The following GSG1L variants were observed in gnomAD, a reference collection of about 807,000 sequenced individuals.
GSG1L encodes germ cell-specific gene 1-like protein.
A neutral mutation model predicts 42.1 loss-of-function variants in GSG1L; 24 were observed. The observed-to-expected ratio is 0.57, with a 90% CI of 0.41 to 0.80. The LOEUF is 0.80. GSG1L is among the 30% of genes least tolerant of loss of function. The pLI is 0.00. For synonymous variants in GSG1L, 215 were observed against 203.5 expected (o/e 1.06, Z -0.48); for missense variants, 445 against 472.2 (o/e 0.94, Z 0.53).
At chr16:28,044,835 G>A (rs1257790869) in intron 1 of GSG1L, among the ~76,000 whole-genome samples, 3 of 151,944 alleles carry the variant, frequency 2.0e-5, no homozygotes, top group African/African-American at 7.3e-5. Flanking sequence ...ATGTTGGCCA[G>A]GCTGGTCTTG....
At chr16:27,963,283 C>T in intron 1 of GSG1L, 80 bp from the exon 2 acceptor site, 1 of 1,231,644 alleles carries the variant, frequency 8.1e-7, no homozygotes, top group South Asian at 1.2e-5. Flanking sequence ...ATCCCATGAG[C>T]CCTGGAGCAA....
chr16:28,043,699 G>A (rs1032320752), intron 1 of GSG1L, among the ~76,000 whole-genome samples: 1 of 152,226 alleles, frequency 6.6e-6, no homozygotes, highest in East Asian at 1.9e-4. Flanking sequence ...CTCAGTGCCG[G>A]AGGAATGAAA....
rs1465764367 is a variant in GSG1L, at chr16:27,900,213, A to AC, written c.398-15576dup. ...ATTGAACCTGCGGGGTGAGACACAC[A>AC]CCCAGTGACAACCACGCTCTACAGC... On this transcript the variant is annotated intron_variant, in intron 2 of 6. Transcript: ENST00000447459. Among the ~76,000 whole-genome samples, 3 of 152,240 alleles carry AC rather than the reference A, an allele frequency of 2.0e-5. No homozygotes were observed. The East Asian group carries it at 5.8e-4, about 29-fold the overall frequency.
chr16:27,947,384 AAAAGAAAG>A (rs199991139), intron 2 of GSG1L, among the ~76,000 whole-genome samples: 24,630 of 130,592 alleles, frequency 0.19, 2,307 homozygotes, highest in East Asian at 0.27. Flanking sequence ...GAAAGAAAGA[AAAAGAAAG>A]AAAGAAAGAA....
chr16:27,807,583 T>C lies in GSG1L; in HGVS notation c.831-29A>G. The C allele has an allele frequency of 2.5e-6, 4 of 1,590,780 alleles. No individual in the cohort carries two copies. The South Asian group carries it at 3.3e-5, about 13-fold the overall frequency. On this transcript the variant is annotated intron_variant, in intron 5 of 6. Coordinates refer to ENST00000447459, the MANE Select transcript of GSG1L (RefSeq NM_001109763.2). Reference sequence around the variant, plus strand: ...GAAAGAAAAAAAAACAAAAACAAAATCCTAGGTAGGAAAGAGAAGGATGAG... The same window carrying C: ...GAAAGAAAAAAAAACAAAAACAAAACCCTAGGTAGGAAAGAGAAGGATGAG...
Position 28,016,779 on chromosome 16 carries a change from A to C in GSG1L, c.349+46297T>G, listed in dbSNP as rs529399470. Among the ~76,000 whole-genome samples the C allele has an allele frequency of 3.3e-5, 5 of 152,324 alleles. No individual in the cohort carries two copies. The South Asian group carries it at 1.0e-3, about 32-fold the overall frequency. On this transcript the variant is annotated intron_variant, in intron 1 of 6. Transcript: ENST00000447459. ...CTCTGCACAATTATCTACTGGTGTC[A>C]TCCCCATTTTAATAGAAGGGGAGAT...
chr16:27,828,902 G>A lies in GSG1L; in HGVS notation c.717C>T (p.Asn239=), dbSNP rs1226649796. 4.3e-6 allele frequency: 7 copies of A among 1,614,256 alleles called. No individual in the cohort carries two copies. Among genetic ancestry groups the A allele is most frequent in the Non-Finnish European group, 5.9e-6 (7 of 1,180,054 alleles). The change falls in exon 5 of 7, where the codon AAC becomes AAT. Residue 239 remains asparagine, a synonymous_variant. Transcript: ENST00000447459. ...CCMAASVTTL[N]SYTKTVIEFR... is the part of the protein sequence containing the mutation. ...ACTCAATGACCGTCTTGGTGTAGGA[G>A]TTGAGCGTGGTGACAGAGGCTGCCA...
intron 2 of GSG1L, among the ~76,000 whole-genome samples, chr16:27,942,243 G>C (rs571298864): frequency 6.6e-6 from 1 of 151,154 alleles, no homozygotes; most frequent in African/African-American, 2.4e-5. Flanking sequence ...TCTGCCTCCC[G>C]GGTTCAAGTG....
intron 1 of GSG1L, among the ~76,000 whole-genome samples, chr16:28,025,423 G>A (rs939664404): frequency 4.6e-5 from 7 of 152,168 alleles, no homozygotes; most frequent in African/African-American, 9.7e-5. Flanking sequence ...GGTTGTGCTC[G>A]AACCCTACAT....
intron 5 of GSG1L, among the ~76,000 whole-genome samples, chr16:27,823,340 C>T (rs705913): frequency 0.18 from 27,229 of 152,078 alleles, 2,793 homozygotes; most frequent in Admixed American, 0.35. Flanking sequence ...CGCACACAGA[C>T]GCGCACACAC....
chr16:27,809,739 T>A (rs909520639), intron 5 of GSG1L, among the ~76,000 whole-genome samples: 1 of 152,168 alleles, frequency 6.6e-6, no homozygotes, highest in Admixed American at 6.5e-5. Context: ...TTTTCAACAC[T>A]TCCCCTAAAC....
chr16:28,028,935 C>G (rs1343682763), intron 1 of GSG1L, among the ~76,000 whole-genome samples: 4 of 152,218 alleles, frequency 2.6e-5, no homozygotes, highest in Non-Finnish European at 5.9e-5. Flanking sequence ...TGACCAATAG[C>G]CAGCTAGGCT....
At position 27,918,702 on chromosome 16, in the gene GSG1L, AAAG is replaced by A. The variant is rs1298991959; in HGVS notation, c.398-34067_398-34065del. ...AAGAAAGAAAAAGAAAAAAAAGAAT[AAAG>A]AAGATGGTTTGAGGAGGCTGCGAAG... On this transcript the variant is annotated intron_variant, in intron 2 of 6. Transcript: ENST00000447459. 4.6e-5 allele frequency among the ~76,000 whole-genome samples: 7 copies of A among 152,196 alleles called. No homozygotes were observed. The East Asian group carries it at 1.4e-3, about 29-fold the overall frequency.
intron 2 of GSG1L, among the ~76,000 whole-genome samples, chr16:27,910,222 C>T (rs2084372004): frequency 1.3e-5 from 2 of 151,864 alleles, no homozygotes; most frequent in South Asian, 4.2e-4. Flanking sequence ...CTTGGCCTCC[C>T]AAAGTGCAGG....
At chr16:27,886,514 C>G (rs2084032533) in intron 2 of GSG1L, among the ~76,000 whole-genome samples, 1 of 152,166 alleles carries the variant, frequency 6.6e-6, no homozygotes, top group South Asian at 2.1e-4. Context: ...TTCGGTTGCA[C>G]AGCAATGTAA....
chr16:27,799,617 T>C (rs574456969), intron 6 of GSG1L, among the ~76,000 whole-genome samples: 1 of 151,446 alleles, frequency 6.6e-6, no homozygotes, highest in African/African-American at 2.4e-5. Flanking sequence ...GAACAAGTGA[T>C]GGAAAGAAAA....
At chr16:27,829,023 C>A in intron 4 of GSG1L, 67 bp from the exon 5 acceptor site, 2 of 1,471,252 alleles carry the variant, frequency 1.4e-6, no homozygotes, top group South Asian at 1.2e-5. Context: ...ATCCCACACC[C>A]ACCAAACATT....
At chr16:27,830,941 A>T (rs993106610) in intron 4 of GSG1L, among the ~76,000 whole-genome samples, 2 of 152,010 alleles carry the variant, frequency 1.3e-5, no homozygotes, top group African/African-American at 2.4e-5. Context: ...TTAAGGGATC[A>T]CTCCCTTCTT....
chr16:27,888,515 CTTT>C lies in GSG1L; in HGVS notation c.398-3880_398-3878del. Among the ~76,000 whole-genome samples the C allele has an allele frequency of 3.1e-4, 5 of 15,942 alleles. 1 individual carries two copies. The highest frequency in any genetic ancestry group is 4.3e-4 in the Non-Finnish European group (3 of 7,030). 10.5% of individuals were successfully genotyped at this position (15,942 alleles called of 152,430 possible). ...TCTTTCTTTCTTTCTTTCTTTCTTT[CTTT>C]CTTTCTTTCTTTCTTTCTTTCTTTC... is the stretch of plus-strand genomic sequence containing the variant. On this transcript the variant is annotated intron_variant, in intron 2 of 6. Coordinates refer to ENST00000447459, the MANE Select transcript of GSG1L (RefSeq NM_001109763.2).
Sources: allele counts gnomAD v4.1 joint callset (sites outside exome capture counted in the v4.1 genomes callset), GRCh38; gene constraint gnomAD v4.1.1; transcripts MANE v1.5; gene names NCBI Gene and HGNC (gene_info 2026-07-23, HGNC 2026-07-21).